SHROOM4: variants seen among roughly 807,000 people sequenced by gnomAD.
SHROOM4 encodes shroom family member 4, also known as protein Shroom4.
In SHROOM4, 17 loss-of-function variants were observed where a neutral mutation model predicts 80.3. That is an observed-to-expected ratio of 0.21 (90% CI 0.14 to 0.32). SHROOM4 has a LOEUF of 0.32. SHROOM4 is among the 10% of genes least tolerant of loss of function. SHROOM4 has a pLI of 1.00. For synonymous variants in SHROOM4, 400 were observed against 437.5 expected (o/e 0.91, Z 1.07); for missense variants, 993 against 1,140.3 (o/e 0.87, Z 1.86).
intron 2 of SHROOM4, among the ~76,000 whole-genome samples, chrX:50,657,666 A>G (rs913534669): frequency 1.8e-5 from 2 of 110,789 alleles, no homozygotes; most frequent in African/African-American, 6.6e-5. Flanking sequence ...CAGAAGGAAA[A>G]TAATATAGCA....
Position 50,814,125 on chromosome X carries a change from ACCGCCCTGCT to A in SHROOM4, c.-117_-108del, listed in dbSNP as rs1470726437. ...GCCCTCCAGCTCTACGCCACCCCGC[ACCGCCCTGCT>A]CCGCCTACTCTCCCGGCTGGAGACG... On this transcript the variant is annotated 5_prime_UTR_variant, in exon 1 of 9. Transcript: ENST00000376020. 2 of 551,722 alleles carry A rather than the reference ACCGCCCTGCT, an allele frequency of 3.6e-6. No homozygotes were observed. The highest frequency in any genetic ancestry group is 7.2e-5 in the East Asian group (2 of 27,759). 45.5% of individuals were successfully genotyped at this position (551,722 alleles called of 1,213,427 possible). A position where few individuals can be genotyped will look rare whatever the true frequency, so the allele number is the denominator to read the frequency against.
At chrX:50,586,133 A>C (rs1411802223), downstream of SHROOM4, among the ~76,000 whole-genome samples, 1 of 111,935 alleles carries the variant, frequency 8.9e-6, no homozygotes, top group Non-Finnish European at 1.9e-5. Context: ...TAGCTGTTTA[A>C]GTTTAGCCCA....
At chrX:50,789,818 T>C (rs1935819470) in intron 1 of SHROOM4, among the ~76,000 whole-genome samples, 1 of 112,270 alleles carries the variant, frequency 8.9e-6, no homozygotes. Flanking sequence ...TTACAACTGA[T>C]ACCACAATTA....
At chrX:50,751,406 C>T (rs782209193) in intron 1 of SHROOM4, among the ~76,000 whole-genome samples, 2 of 112,150 alleles carry the variant, frequency 1.8e-5, no homozygotes, top group Non-Finnish European at 3.8e-5. Flanking sequence ...TCAGACATAG[C>T]CTTGTCAAAA....
Position 50,730,030 on chromosome X carries a change from G to A in SHROOM4, c.118-34093C>T, listed in dbSNP as rs569343122. ...GGCTAAATCAAAGTGACACCAGAGA[G>A]TAATTTGAATTTTCATGAAAAACAA... On this transcript the variant is annotated intron_variant, in intron 1 of 8. Coordinates refer to ENST00000376020, the MANE Select transcript of SHROOM4 (RefSeq NM_020717.5). 2.7e-5 allele frequency among the ~76,000 whole-genome samples: 3 copies of A among 112,189 alleles called. No homozygotes were observed. In the South Asian group the frequency reaches 1.1e-3, roughly 41 times the overall value.
chrX:50,697,481 G>GA (rs1450486838), intron 1 of SHROOM4, among the ~76,000 whole-genome samples: 1 of 111,932 alleles, frequency 8.9e-6, no homozygotes, highest in African/African-American at 3.2e-5. Context: ...TGAGTGCAGA[G>GA]AAAAAATTAA....
At chrX:50,721,748 C>A (rs2147517500) in intron 1 of SHROOM4, among the ~76,000 whole-genome samples, 1 of 111,963 alleles carries the variant, frequency 8.9e-6, no homozygotes, top group Admixed American at 9.4e-5. Context: ...CAGTCAGTCA[C>A]TGCAAATTAG....
rs1421360117 is a variant in SHROOM4 at position 50,592,445 on chromosome X, C to G, written c.*4250G>C. 1 of 230,530 alleles carries G rather than the reference C, an allele frequency of 4.3e-6. No homozygotes were observed. Among genetic ancestry groups the G allele is most frequent in the Non-Finnish European group, 8.0e-6 (1 of 125,597 alleles). 19.0% of individuals were successfully genotyped at this position (230,530 alleles called of 1,213,427 possible). ...ATGACCTCAGAAGTTGAGCTAGTAG[C>G]CCAGGTTCATTGAATAAGTGGCAGA... is the stretch of plus-strand genomic sequence containing the variant. On this transcript the variant is annotated 3_prime_UTR_variant, in exon 9 of 9. Transcript: ENST00000376020.
rs782293413 is a variant in SHROOM4 at position 50,598,533 on chromosome X, T to C, written c.3945A>G (p.Ile1315Met). 1 of 1,203,929 alleles carries C rather than the reference T, an allele frequency of 8.3e-7. No individual in the cohort carries two copies. The highest frequency in any genetic ancestry group is 3.0e-5 in the East Asian group (1 of 33,571). The change falls in exon 8 of 9, where the codon ATA becomes ATG. Residue 1315 changes from isoleucine (I) to methionine (M), a missense_variant and splice_region_variant. Physicochemically the swap from Ile to Met is conservative, Grantham distance 10 (BLOSUM62 1). Transcript: ENST00000376020. ...TTCTGCTGATGCTTTCGATAAGCTG[T>C]ATCTAGGGGAATTAAACAGGAGAAG... ...EVDHELAQKKIQLIESISRKL... is the reference protein window; with the variant it reads ...EVDHELAQKKMQLIESISRKL...
At chrX:50,631,525 G>C (rs58446234) in intron 4 of SHROOM4, among the ~76,000 whole-genome samples, 7,591 of 111,543 alleles carry the variant, frequency 0.068, 431 homozygotes, top group African/African-American at 0.19. Context: ...GTGCAATAAG[G>C]CTCTTCTCTC....
At chrX:50,750,985 C>T (rs1426103090) in intron 1 of SHROOM4, among the ~76,000 whole-genome samples, 1 of 112,308 alleles carries the variant, frequency 8.9e-6, no homozygotes, top group Non-Finnish European at 1.9e-5. Flanking sequence ...TTGTCTTGCT[C>T]AGTAAAAATG....
At chrX:50,674,681 G>A (rs1932834035) in intron 2 of SHROOM4, among the ~76,000 whole-genome samples, 1 of 111,587 alleles carries the variant, frequency 9.0e-6, no homozygotes, top group African/African-American at 3.3e-5. Context: ...ATTGAAAATA[G>A]TTTTTAGACT....
At chrX:50,813,775 C>G (rs782517529) in intron 1 of SHROOM4, 127 bp downstream of exon 1, 115 of 511,554 alleles carry the variant, frequency 2.2e-4, no homozygotes, top group Non-Finnish European at 3.8e-4. Flanking sequence ...CCGTGCCGCT[C>G]AGAGGGTCTT....
chrX:50,810,515 A>C (rs1341268791), intron 1 of SHROOM4, among the ~76,000 whole-genome samples: 1 of 111,036 alleles, frequency 9.0e-6, no homozygotes, highest in Non-Finnish European at 1.9e-5. Context: ...TGCTTCCTGC[A>C]CCTTACCTCT....
intron 5 of SHROOM4, among the ~76,000 whole-genome samples, chrX:50,626,752 C>G (rs1930821920): frequency 8.9e-6 from 1 of 111,884 alleles, no homozygotes; most frequent in Non-Finnish European, 1.9e-5. Context: ...TGTAATTCGG[C>G]TTGCAGCACA....
At chrX:50,655,753 C>T (rs1602410285) in intron 2 of SHROOM4, among the ~76,000 whole-genome samples, 1 of 109,420 alleles carries the variant, frequency 9.1e-6, no homozygotes, top group South Asian at 3.9e-4. Context: ...CTTTAACATA[C>T]TGATTTCATT....
chrX:50,611,144 C>CTTTTTTTTTTTTTTT (rs782473243), intron 5 of SHROOM4, among the ~76,000 whole-genome samples: 16 of 68,212 alleles, frequency 2.3e-4, no homozygotes, highest in African/African-American at 4.3e-4. Context: ...TTCTTTTTTT[C>CTTTTTTTTTTTTTTT]TTTTTTTTTT....
At chrX:50,627,804 T>C (rs1352829549) in intron 4 of SHROOM4, 129 bp from the exon 5 acceptor site, 3 of 546,666 alleles carry the variant, frequency 5.5e-6, no homozygotes, top group African/African-American at 2.3e-5. Context: ...TACTCTGCTA[T>C]GCAGGCTGAG....
chrX:50,601,191 C>G (rs1929383761), intron 7 of SHROOM4, among the ~76,000 whole-genome samples: 1 of 112,070 alleles, frequency 8.9e-6, no homozygotes. Context: ...GAGACAAAAA[C>G]TGTCATAGCC....
Sources: allele counts gnomAD v4.1 joint callset (sites outside exome capture counted in the v4.1 genomes callset), GRCh38; gene constraint gnomAD v4.1.1; transcripts MANE v1.5; gene names NCBI Gene and HGNC (gene_info 2026-07-23, HGNC 2026-07-21).